Variants in CPT1A observed in about 807,000 individuals in gnomAD.
The protein encoded by CPT1A is carnitine O-palmitoyltransferase 1, liver isoform.
Under a neutral mutation model 100.8 loss-of-function variants are expected in CPT1A, and 64 were observed. The observed-to-expected ratio is 0.63, with a 90% CI of 0.52 to 0.78. The LOEUF (loss-of-function observed/expected upper bound fraction) is 0.78, where lower values mean the gene tolerates loss of function less well. Ranked by LOEUF, CPT1A falls within the 30% of genes least tolerant of loss-of-function variation. The pLI is 0.00. For missense variants in CPT1A, 802 were observed against 1,034.1 expected (o/e 0.78, Z 3.08); for synonymous variants, 363 against 396.0 (o/e 0.92, Z 0.99).
intron 8 of CPT1A, among the ~76,000 whole-genome samples, chr11:68,794,249 T>C (rs1206408105): frequency 1.3e-5 from 2 of 152,096 alleles, no homozygotes; most frequent in South Asian, 4.1e-4. Flanking sequence ...GAGTGACAGA[T>C]AGTAGACCAG....
chr11:68,760,456 T>G lies in CPT1A; in HGVS notation c.2029-118A>C, dbSNP rs971844567. 6 of 855,238 alleles carry G rather than the reference T, an allele frequency of 7.0e-6. No homozygotes were observed. In the African/African-American group the frequency reaches 8.4e-5, roughly 12 times the overall value. 53.0% of individuals were successfully genotyped at this position (855,238 alleles called of 1,614,324 possible). A position where few individuals can be genotyped will look rare whatever the true frequency, so the allele number is the denominator to read the frequency against. On this transcript the variant is annotated intron_variant, in intron 16 of 18. Coordinates refer to ENST00000265641, the MANE Select transcript of CPT1A (RefSeq NM_001876.4). ...TTTTGATTGTTCCACACACCACAAG[T>G]CTATGTCTCCAAAGGCCTCACTGGC...
chr11:68,815,515 C>T (rs771666836), intron 1 of CPT1A, 28 bp from the exon 2 acceptor site: 2 of 1,611,560 alleles, frequency 1.2e-6, no homozygotes, highest in Non-Finnish European at 1.7e-6. Context: ...AAATGTAACA[C>T]AGTGGAACGT....
chr11:68,797,770 GA>G (rs2154000075), intron 6 of CPT1A, among the ~76,000 whole-genome samples: 1 of 152,296 alleles, frequency 6.6e-6, no homozygotes, highest in Admixed American at 6.5e-5. Flanking sequence ...TTGAGGTTAG[GA>G]GTTCCGGACC....
chr11:68,773,146 G>C (rs1012262511), intron 14 of CPT1A, 119 bp downstream of exon 14: 26 of 1,540,358 alleles, frequency 1.7e-5, no homozygotes, highest in African/African-American at 1.1e-4. Context: ...GGGTCGGGGG[G>C]AGCTGTGCTT....
At position 68,819,422 on chromosome 11, in the gene CPT1A, A is replaced by G. The variant is rs556099690; in HGVS notation, c.-13-3935T>C. ...CCCCCTTCCCCATCAAAGCCTTCGC[A>G]GTAACCATGAGGAAGGCATCCCAGA... On this transcript the variant is annotated intron_variant, in intron 1 of 18. Coordinates refer to ENST00000265641, the MANE Select transcript of CPT1A (RefSeq NM_001876.4). Among the ~76,000 whole-genome samples the G allele has an allele frequency of 2.6e-5, 4 of 152,312 alleles. No homozygotes were observed. The South Asian group carries it at 8.3e-4, about 32-fold the overall frequency.
chr11:68,819,394 T>G (rs983700314), intron 1 of CPT1A, among the ~76,000 whole-genome samples: 2 of 152,184 alleles, frequency 1.3e-5, no homozygotes, highest in African/African-American at 4.8e-5. Context: ...GGTTAACTCT[T>G]AGCCCCCTTC....
upstream of CPT1A, among the ~76,000 whole-genome samples, chr11:68,843,128 C>T (rs908711826): frequency 2.0e-5 from 3 of 152,034 alleles, no homozygotes; most frequent in Non-Finnish European, 1.5e-5. This position sits in a 1 kb window ranked among gnomAD's most constrained non-coding sequence, Gnocchi z 4.0. Context: ...GATCCCGCCC[C>T]CCACCACCGC....
At chr11:68,828,627 C>T (rs1265183208) in intron 1 of CPT1A, among the ~76,000 whole-genome samples, 2 of 152,258 alleles carry the variant, frequency 1.3e-5, no homozygotes, top group African/African-American at 2.4e-5. Context: ...GCAGCCAGGC[C>T]TGCGTCTGGA....
At position 68,815,281 on chromosome 11, in the gene CPT1A, G is replaced by T. The variant is rs17848445; in HGVS notation, c.141+53C>A. The T allele has an allele frequency of 4.3e-4, 681 of 1,583,944 alleles. 3 individuals are homozygous for T. The highest frequency in any genetic ancestry group is 3.7e-3 in the South Asian group (332 of 90,146). The stretch of plus-strand genomic sequence containing the variant: ...AGACCTCAATAGCAGCCAGAGCCCC[G>T]TTCTTAGATATTAAAAGGCATACTG... On this transcript the variant is annotated intron_variant, in intron 2 of 18. Transcript: ENST00000265641.
chr11:68,775,300 G>A lies in CPT1A; in HGVS notation c.1575+16C>T. 6.3e-7 allele frequency: 1 copy of A among 1,582,944 alleles called. No individual in the cohort carries two copies. Among genetic ancestry groups the A allele is most frequent in the Non-Finnish European group, 8.7e-7 (1 of 1,151,632 alleles). On this transcript the variant is annotated intron_variant, in intron 13 of 18. Coordinates refer to ENST00000265641, the MANE Select transcript of CPT1A (RefSeq NM_001876.4). ...CATCCCAGGTAAGTAACAATGGTTG[G>A]ATAATCCGGACTTACTTCCCCCGGG...
At position 68,761,801 on chromosome 11, in the gene CPT1A, G is replaced by A. The variant is rs1193302884; in HGVS notation, c.1876-114C>T. On this transcript the variant is annotated intron_variant, in intron 15 of 18. Transcript: ENST00000265641. ...TTTTTTGTTATTTTTAGTAGAGACG[G>A]GGTTTCAACATGTTGCCCAGGGTGG... 3.1e-6 allele frequency: 4 copies of A among 1,279,666 alleles called. No homozygotes were observed. In the African/African-American group the frequency reaches 5.9e-5, roughly 19 times the overall value. The allele number at this position is 1,279,666 out of a possible 1,614,324, so 79.3% of individuals were successfully genotyped here. A position where few individuals can be genotyped will look rare whatever the true frequency, so the allele number is the denominator to read the frequency against.
rs80356780 is a variant in CPT1A, at chr11:68,760,238, C to T, written c.2129G>A (p.Gly710Glu). 1.9e-6 allele frequency: 3 copies of T among 1,609,972 alleles called. No individual in the cohort carries two copies. The highest frequency in any genetic ancestry group is 2.2e-5 in the East Asian group (1 of 44,838). The change falls in exon 17 of 19, where the codon GGG becomes GAG. Residue 710 changes from glycine to glutamate, a missense_variant. By Grantham distance (98) the Gly-to-Glu change is moderately conservative. Coordinates refer to ENST00000265641, the MANE Select transcript of CPT1A (RefSeq NM_001876.4). ...ENNPEYVSSGGGFGPVADDGY... is the reference protein window; with the variant it reads ...ENNPEYVSSGEGFGPVADDGY... ...CGCCGCACTCACCGGTCCAAAGCCC[C>T]CTCCGCTGGACACGTACTCTGGGTT...
At chr11:68,810,183 G>GA (rs1253162245) in intron 3 of CPT1A, among the ~76,000 whole-genome samples, 1 of 150,754 alleles carries the variant, frequency 6.6e-6, no homozygotes, top group African/African-American at 2.5e-5. Flanking sequence ...ATCTCAAAAA[G>GA]AAAAAAAAGA....
In CPT1A at chr11:68,838,832, C is replaced by T. The variant is rs755769720; in HGVS notation, c.-14+2943G>A. 1.2e-4 allele frequency among the ~76,000 whole-genome samples: 18 copies of T among 152,280 alleles called. No individual in the cohort carries two copies. In the South Asian group the frequency reaches 1.7e-3, roughly 14 times the overall value. On this transcript the variant is annotated intron_variant, in intron 1 of 18. Transcript: ENST00000265641. ...ATCCTCCCACCTTGGCCTCCCAAAG[C>T]ATTGAGATTACAGGCGTGAGCCACG...
chr11:68,804,505 T>C (rs1855992060), intron 4 of CPT1A, among the ~76,000 whole-genome samples: 1 of 152,168 alleles, frequency 6.6e-6, no homozygotes, highest in African/African-American at 2.4e-5. Flanking sequence ...AAAGGATTGA[T>C]TGAGCCTGGG....
At chr11:68,817,863 A>G (rs972654905) in intron 1 of CPT1A, among the ~76,000 whole-genome samples, 2 of 151,530 alleles carry the variant, frequency 1.3e-5, no homozygotes, top group Non-Finnish European at 2.9e-5. Flanking sequence ...AGCTGGGGTC[A>G]AGGGTAGGGT....
chr11:68,821,893 G>C (rs1401892946), intron 1 of CPT1A, among the ~76,000 whole-genome samples: 1 of 152,100 alleles, frequency 6.6e-6, no homozygotes, highest in Non-Finnish European at 1.5e-5. Flanking sequence ...ACTGCCTCCT[G>C]TGGCCAATAG....
At chr11:68,794,516 T>G (rs1485769154) in intron 8 of CPT1A, among the ~76,000 whole-genome samples, 1 of 152,236 alleles carries the variant, frequency 6.6e-6, no homozygotes, top group African/African-American at 2.4e-5. Context: ...GTTCAAGTGA[T>G]TCTCCTGCAT....
chr11:68,761,367 A>G (rs1946806222), intron 16 of CPT1A, among the ~76,000 whole-genome samples, 168 bp downstream of exon 16: 1 of 151,590 alleles, frequency 6.6e-6, no homozygotes, highest in Non-Finnish European at 1.5e-5. Flanking sequence ...GAAGAAATGC[A>G]GTACTAAACG....
Sources: allele counts gnomAD v4.1 joint callset (sites outside exome capture counted in the v4.1 genomes callset), GRCh38; gene constraint gnomAD v4.1.1; non-coding constraint Gnocchi (gnomAD v3.1); transcripts MANE v1.5; gene names NCBI Gene and HGNC (gene_info 2026-07-23, HGNC 2026-07-21).